The following MYT1L variants were observed in gnomAD, a reference collection of about 807,000 sequenced individuals.
The protein encoded by MYT1L is myelin transcription factor 1 like.
MYT1L carries 12 observed loss-of-function variants against 126.7 expected under a neutral mutation model. The observed-to-expected ratio is 0.09, with a 90% CI of 0.06 to 0.15. The LOEUF is 0.15. Among genes scored for constraint, MYT1L ranks in the 10% least tolerant of loss-of-function variants. The probability of loss-of-function intolerance (pLI) is 1.00; values close to 1 mark genes in which losing one functional copy is unlikely to be tolerated. For missense variants in MYT1L, 979 were observed against 1,585.2 expected (o/e 0.62, Z 6.49); for synonymous variants, 541 against 604.2 (o/e 0.90, Z 1.53).
intron 2 of MYT1L, among the ~76,000 whole-genome samples, chr2:2,211,818 A>C (rs1330896253): frequency 0.12 from 17,728 of 149,626 alleles, 1,142 homozygotes; most frequent in Non-Finnish European, 0.15. Context: ...AAAAAAAAAA[A>C]AAACCAAACA....
At chr2:1,851,257 T>C (rs1320281837) in intron 19 of MYT1L, among the ~76,000 whole-genome samples, 1 of 152,224 alleles carries the variant, frequency 6.6e-6, no homozygotes, top group Non-Finnish European at 1.5e-5. Flanking sequence ...ATCTTAATAT[T>C]TAAGAGACCA....
At chr2:1,894,069 C>T (rs1053792892) in intron 14 of MYT1L, among the ~76,000 whole-genome samples, 1 of 152,258 alleles carries the variant, frequency 6.6e-6, no homozygotes, top group Non-Finnish European at 1.5e-5. Context: ...ACCCACAAAA[C>T]CCATGAAATA....
chr2:1,970,024 G>A (rs1402585732), intron 8 of MYT1L, among the ~76,000 whole-genome samples: 1 of 152,202 alleles, frequency 6.6e-6, no homozygotes, highest in Admixed American at 6.5e-5. Context: ...TTATGACCAG[G>A]GGATTGTTTC....
intron 2 of MYT1L, among the ~76,000 whole-genome samples, chr2:2,179,101 G>A (rs150327945): frequency 1.2e-3 from 190 of 152,204 alleles, no homozygotes; most frequent in African/African-American, 4.3e-3. Context: ...GGGGTACTGC[G>A]AACGAACACC....
At chr2:1,980,208 ATATT>A (rs1251882940) in intron 5 of MYT1L, among the ~76,000 whole-genome samples, 1 of 147,750 alleles carries the variant, frequency 6.8e-6, no homozygotes, top group South Asian at 2.1e-4. Flanking sequence ...ATAAAAACAA[ATATT>A]TATATATATA....
rs1400747171 is a variant in MYT1L, at chr2:1,801,500, C to A, written c.3276+196G>T. ...CACATGCAGACTGAAAACGAGAGAACCACGGCCCCTGCTACAGCGAACACT... is the reference window on the plus strand; with the variant it reads ...CACATGCAGACTGAAAACGAGAGAAACACGGCCCCTGCTACAGCGAACACT... On this transcript the variant is annotated intron_variant, in intron 23 of 24. Transcript: ENST00000647738. The surrounding 1 kb of genome is among the most constrained non-coding windows in gnomAD (Gnocchi z 4.2). The A allele has an allele frequency of 2.0e-6, 1 of 497,490 alleles. No individual in the cohort carries two copies. The highest frequency in any genetic ancestry group is 3.3e-5 in the East Asian group (1 of 30,722). 30.8% of individuals were successfully genotyped at this position (497,490 alleles called of 1,614,324 possible).
chr2:2,108,701 A>AT (rs2079037209), intron 3 of MYT1L, among the ~76,000 whole-genome samples: 1 of 152,058 alleles, frequency 6.6e-6, no homozygotes, highest in Non-Finnish European at 1.5e-5. Context: ...CATTCAGGAC[A>AT]TTTTTTTCTT....
At chr2:2,234,539 A>G (rs1263892345) in intron 2 of MYT1L, among the ~76,000 whole-genome samples, 1 of 152,200 alleles carries the variant, frequency 6.6e-6, no homozygotes, top group Non-Finnish European at 1.5e-5. Flanking sequence ...ACAAAGACAA[A>G]GCAGTGTGGC....
At chr2:2,280,170 T>C (rs1483952674) in intron 2 of MYT1L, among the ~76,000 whole-genome samples, 1 of 152,178 alleles carries the variant, frequency 6.6e-6, no homozygotes, top group Non-Finnish European at 1.5e-5. Flanking sequence ...TTCTGAGAAG[T>C]TTTTCTTCCC....
At position 1,812,447 on chromosome 2, in the gene MYT1L, T is replaced by C. The variant is rs544946787; in HGVS notation, c.3081-3280A>G. Reference sequence around the variant, plus strand: ...TGCCCAGTGACGACTTCTGAAAGCATAAAATGTCTGAATGCACTTTGTGAT... The same window carrying C: ...TGCCCAGTGACGACTTCTGAAAGCACAAAATGTCTGAATGCACTTTGTGAT... On this transcript the variant is annotated intron_variant, in intron 21 of 24. Coordinates refer to ENST00000647738, the MANE Select transcript of MYT1L (RefSeq NM_001303052.2). 3.3e-5 allele frequency among the ~76,000 whole-genome samples: 5 copies of C among 152,314 alleles called. No individual in the cohort carries two copies. In the South Asian group the frequency reaches 1.0e-3, roughly 32 times the overall value.
At chr2:2,147,290 C>T (rs1380369340) in intron 3 of MYT1L, among the ~76,000 whole-genome samples, 1 of 152,208 alleles carries the variant, frequency 6.6e-6, no homozygotes, top group African/African-American at 2.4e-5. Flanking sequence ...TCAAACAAAA[C>T]CTGGAAGGAC....
intron 8 of MYT1L, among the ~76,000 whole-genome samples, chr2:1,962,442 G>A (rs1055797605): frequency 5.3e-5 from 8 of 152,198 alleles, no homozygotes; most frequent in Non-Finnish European, 8.8e-5. Flanking sequence ...TTTTGCTGGC[G>A]GAGGGTCTTG....
chr2:2,065,120 C>T (rs1461712039), intron 3 of MYT1L, among the ~76,000 whole-genome samples: 1 of 152,048 alleles, frequency 6.6e-6, no homozygotes, highest in East Asian at 1.9e-4. Context: ...ATAACTTGGG[C>T]CCGGAAGATT....
chr2:2,105,367 T>C (rs1189024071), intron 3 of MYT1L, among the ~76,000 whole-genome samples: 2 of 152,218 alleles, frequency 1.3e-5, no homozygotes, highest in East Asian at 1.9e-4. Flanking sequence ...CATTATGGCA[T>C]GAGAAGGGTA....
rs1408026312 is a variant in MYT1L, at chr2:2,228,919, A to G, written c.-421+55485T>C. On this transcript the variant is annotated intron_variant, in intron 2 of 24. Coordinates refer to ENST00000647738, the MANE Select transcript of MYT1L (RefSeq NM_001303052.2). This position sits in a 1 kb window ranked among gnomAD's most constrained non-coding sequence, Gnocchi z 5.9. ...ACAGGACAAGGGCAAGTTAATAAGAAGAAACACAAGCAGTAGAGAAGGATA... is the reference window on the plus strand; with the variant it reads ...ACAGGACAAGGGCAAGTTAATAAGAGGAAACACAAGCAGTAGAGAAGGATA... Among the ~76,000 whole-genome samples, 2 of 152,184 alleles carry G rather than the reference A, an allele frequency of 1.3e-5. No individual in the cohort carries two copies. Among genetic ancestry groups the G allele is most frequent in the Non-Finnish European group, 2.9e-5 (2 of 68,052 alleles).
intron 3 of MYT1L, among the ~76,000 whole-genome samples, chr2:2,099,426 G>C (rs2077799873): frequency 6.6e-6 from 1 of 151,922 alleles, no homozygotes; most frequent in South Asian, 2.1e-4. Flanking sequence ...TTTCTGAAAG[G>C]CTCATGGCAA....
chr2:1,939,874 C>T (rs2056436787), intron 9 of MYT1L, among the ~76,000 whole-genome samples: 1 of 152,252 alleles, frequency 6.6e-6, no homozygotes, highest in South Asian at 2.1e-4. Flanking sequence ...AGACGTCCTT[C>T]TCCCAGAGAA....
intron 2 of MYT1L, among the ~76,000 whole-genome samples, chr2:2,262,390 CA>C (rs200346842): frequency 1.6e-4 from 24 of 149,720 alleles, no homozygotes; most frequent in South Asian, 4.2e-4. Flanking sequence ...CAAACAACAA[CA>C]AAAAAAAACC....
chr2:2,283,314 T>C (rs1357493897), intron 2 of MYT1L, among the ~76,000 whole-genome samples: 1 of 152,210 alleles, frequency 6.6e-6, no homozygotes, highest in African/African-American at 2.4e-5. Context: ...CTAATGTTTC[T>C]ACAATGGACA....
Sources: gnomAD v4.1 joint callset for allele counts (sites outside exome capture counted in the v4.1 genomes callset) on GRCh38, gnomAD v4.1.1 for gene constraint, Gnocchi (gnomAD v3.1) non-coding constraint, MANE v1.5 for transcripts, NCBI Gene and HGNC (gene_info 2026-07-23, HGNC 2026-07-21) for gene names.